Variants in UBE2D2 observed in about 807,000 individuals in gnomAD.
The protein encoded by UBE2D2 is ubiquitin-conjugating enzyme E2 D2.
UBE2D2 carries 2 observed loss-of-function variants against 24.2 expected under a neutral mutation model. That is an observed-to-expected ratio of 0.08 (90% confidence interval 0.03 to 0.26). UBE2D2 has a LOEUF of 0.26. Ranked by LOEUF, UBE2D2 falls within the 10% of genes least tolerant of loss-of-function variation. UBE2D2 has a pLI of 1.00. For missense variants in UBE2D2, 44 were observed against 177.6 expected, an observed-to-expected ratio of 0.25 and a Z score of 4.28; for synonymous variants, 58 against 56.5, an observed-to-expected ratio of 1.03 and a Z score of -0.12.
chr5:139,609,483 G>T (rs2126695876), intron 2 of UBE2D2, among the ~76,000 whole-genome samples: 1 of 150,236 alleles, frequency 6.7e-6, no homozygotes, highest in East Asian at 2.0e-4. Context: ...CGATTCTTCT[G>T]CCTCAGCCTC....
At chr5:139,585,210 CT>C (rs561161810) in intron 1 of UBE2D2, among the ~76,000 whole-genome samples, 11,763 of 137,008 alleles carry the variant, frequency 0.086, 524 homozygotes, top group Middle Eastern at 0.14. Context: ...GCGTGCAGGT[CT>C]TTTTTTTTTT....
rs915351387 is a variant in UBE2D2, at chr5:139,561,369, C to T, written c.-423C>T. ...CACCCCGGCGGCGCAGCCCGCCCGC[C>T]CGCGCGTCCCTCGGTCCACCTGCAG... is the stretch of plus-strand genomic sequence containing the variant. On this transcript the variant is annotated 5_prime_UTR_variant, in exon 1 of 7. Transcript: ENST00000398733. The T allele has an allele frequency of 6.1e-6, 1 of 164,214 alleles. No homozygotes were observed. Among genetic ancestry groups the T allele is most frequent in the African/African-American group, 2.4e-5 (1 of 41,876 alleles). The allele number at this position is 164,214 out of a possible 1,614,324, so 10.2% of individuals were successfully genotyped here.
chr5:139,577,404 C>CTTTTTTTTTTT (rs869189901), intron 1 of UBE2D2, among the ~76,000 whole-genome samples: 1 of 69,108 alleles, frequency 1.4e-5, no homozygotes, highest in Admixed American at 1.9e-4. Flanking sequence ...TAGCATCTCT[C>CTTTTTTTTTTT]TTTTTTTTTT....
At chr5:139,553,163 G>A (rs1252035425) in intron 1 of UBE2D2, among the ~76,000 whole-genome samples, 1 of 152,138 alleles carries the variant, frequency 6.6e-6, no homozygotes. Flanking sequence ...ACAGAGTCTA[G>A]AATGTTTTGA....
chr5:139,562,171 G>A lies in UBE2D2; in HGVS notation c.24+356G>A, dbSNP rs1015674652. 3 of 1,350,174 alleles carry A rather than the reference G, an allele frequency of 2.2e-6. No individual in the cohort carries two copies. The South Asian group carries it at 3.9e-5, about 18-fold the overall frequency. 83.6% of individuals were successfully genotyped at this position (1,350,174 alleles called of 1,614,324 possible). A position where few individuals can be genotyped will look rare whatever the true frequency, so the allele number is the denominator to read the frequency against. On this transcript the variant is annotated intron_variant, in intron 1 of 6. Coordinates refer to ENST00000398733, the MANE Select transcript of UBE2D2 (RefSeq NM_003339.3). ...GGGCCGAGGGGGGCGCTGGGGCGTT[G>A]GGCGGCCCCTTCGACAGAGGTCGAA...
intron 1 of UBE2D2, among the ~76,000 whole-genome samples, chr5:139,599,108 T>G (rs1398800784): frequency 2.6e-5 from 4 of 151,620 alleles, no homozygotes; most frequent in Non-Finnish European, 4.4e-5. Context: ...TTTTGTATTT[T>G]TAGTAGAAAT....
chr5:139,555,577 T>C (rs1752970907), intron 1 of UBE2D2, among the ~76,000 whole-genome samples: 1 of 152,104 alleles, frequency 6.6e-6, no homozygotes, highest in Non-Finnish European at 1.5e-5. Flanking sequence ...TGGAAAGTGC[T>C]TTTATCAGGA....
At chr5:139,559,973 C>T (rs555621057), upstream of UBE2D2, among the ~76,000 whole-genome samples, 2 of 151,706 alleles carry the variant, frequency 1.3e-5, no homozygotes, top group Non-Finnish European at 2.9e-5. Context: ...AAAAACAATT[C>T]CAAATATTCT....
intron 1 of UBE2D2, among the ~76,000 whole-genome samples, chr5:139,578,497 G>A (rs768424071): frequency 2.0e-5 from 3 of 151,466 alleles, no homozygotes; most frequent in Non-Finnish European, 4.4e-5. Context: ...CTGTTGTCCA[G>A]GCTAGACTGC....
At chr5:139,537,687 A>G (rs1752703053) in intron 1 of UBE2D2, among the ~76,000 whole-genome samples, 1 of 150,810 alleles carries the variant, frequency 6.6e-6, no homozygotes, top group African/African-American at 2.4e-5. Flanking sequence ...TTTTCTGGCC[A>G]GGCGTGGTAG....
chr5:139,558,608 G>T (rs960494256), upstream of UBE2D2, among the ~76,000 whole-genome samples: 3 of 151,884 alleles, frequency 2.0e-5, no homozygotes, highest in Non-Finnish European at 2.9e-5. Context: ...TTATTTTCAA[G>T]GTAGATTACC....
At chr5:139,542,404 T>G (rs1301196147) in intron 1 of UBE2D2, among the ~76,000 whole-genome samples, 1 of 152,168 alleles carries the variant, frequency 6.6e-6, no homozygotes, top group Non-Finnish European at 1.5e-5. Context: ...AGTCTCACTC[T>G]TTCACCTTGG....
chr5:139,549,769 C>T (rs903391760), intron 1 of UBE2D2, among the ~76,000 whole-genome samples: 6 of 152,226 alleles, frequency 3.9e-5, no homozygotes, highest in African/African-American at 7.2e-5. Context: ...CGCCCCGGCC[C>T]AGCACAGGAT....
intron 1 of UBE2D2, among the ~76,000 whole-genome samples, chr5:139,573,016 A>G (rs1753386587): frequency 1.3e-5 from 2 of 151,882 alleles, no homozygotes; most frequent in Non-Finnish European, 2.9e-5. Context: ...AATTATCAAG[A>G]TGAGGCTGGG....
chr5:139,621,069 A>T (rs955949625), intron 5 of UBE2D2, among the ~76,000 whole-genome samples: 1 of 152,142 alleles, frequency 6.6e-6, no homozygotes, highest in Non-Finnish European at 1.5e-5. Context: ...ACATGGCAAA[A>T]CCCAACCTCT....
chr5:139,615,610 G>A (rs1347184219), intron 5 of UBE2D2, among the ~76,000 whole-genome samples: 6 of 152,110 alleles, frequency 3.9e-5, no homozygotes, highest in Non-Finnish European at 8.8e-5. Context: ...TGCAGAATAG[G>A]AAATAGACCA....
chr5:139,571,948 AAAAT>A (rs1488897240), intron 1 of UBE2D2, among the ~76,000 whole-genome samples: 6 of 151,796 alleles, frequency 4.0e-5, no homozygotes, highest in Admixed American at 3.3e-4. Flanking sequence ...AAAAAGCAGT[AAAAT>A]AACTTTTTAA....
intron 5 of UBE2D2, 34 bp from the exon 6 acceptor site, chr5:139,623,334 C>A: frequency 6.6e-7 from 1 of 1,505,094 alleles, no homozygotes; most frequent in Non-Finnish European, 9.1e-7. Flanking sequence ...TTGCTTTGAT[C>A]CTCTGCTAAT....
At chr5:139,538,125 G>A (rs960789105) in intron 1 of UBE2D2, among the ~76,000 whole-genome samples, 18 of 152,108 alleles carry the variant, frequency 1.2e-4, no homozygotes, top group Non-Finnish European at 1.5e-4. Context: ...CCCGCCTCCT[G>A]GGTTCAAGCA....
Sources: gnomAD v4.1 joint callset for allele counts (sites outside exome capture counted in the v4.1 genomes callset) on GRCh38, gnomAD v4.1.1 for gene constraint, MANE v1.5 for transcripts, NCBI Gene and HGNC (gene_info 2026-07-23, HGNC 2026-07-21) for gene names.